Variants in DDR2 observed in about 807,000 individuals in gnomAD.
DDR2 encodes discoidin domain-containing receptor 2.
A neutral mutation model predicts 94.9 loss-of-function variants in DDR2; 27 were observed. That is an observed-to-expected ratio of 0.28 (90% CI 0.21 to 0.39). The LOEUF is 0.39. Ranked by LOEUF, DDR2 falls within the 10% of genes least tolerant of loss-of-function variation. DDR2 has a pLI of 1.00. For missense variants in DDR2, 783 were observed against 1,076.0 expected, an observed-to-expected ratio of 0.73 and a Z score of 3.81; for synonymous variants, 382 against 377.2, an observed-to-expected ratio of 1.01 and a Z score of -0.15.
chr1:162,714,624 C>A (rs189529373), intron 2 of DDR2, among the ~76,000 whole-genome samples: 1 of 152,302 alleles, frequency 6.6e-6, no homozygotes, highest in Admixed American at 6.5e-5. Context: ...GAGGCCTTTG[C>A]TGGCCACCTT....
At chr1:162,702,585 G>A (rs1007009864) in intron 2 of DDR2, among the ~76,000 whole-genome samples, 3 of 152,204 alleles carry the variant, frequency 2.0e-5, no homozygotes, top group Non-Finnish European at 2.9e-5. Context: ...GTTACATGCA[G>A]TTTAAATGTC....
At chr1:162,774,890 C>T (rs1011979292) in intron 14 of DDR2, among the ~76,000 whole-genome samples, 1 of 152,116 alleles carries the variant, frequency 6.6e-6, no homozygotes, top group Non-Finnish European at 1.5e-5. Context: ...GTATGACTTC[C>T]AGTCCAGGAT....
Position 162,747,429 on chromosome 1 carries a change from G to A in DDR2, c.83-5666G>A, listed in dbSNP as rs1662933225. On this transcript the variant is annotated intron_variant, in intron 3 of 17. Coordinates refer to ENST00000367921, the MANE Select transcript of DDR2 (RefSeq NM_006182.4). ...TGGAAGTTCAAGTGAATGAAATGAA[G>A]CGAGAAGAGAAGTTTAGAGAAAAAA... Among the ~76,000 whole-genome samples, 3 of 148,970 alleles carry A rather than the reference G, an allele frequency of 2.0e-5. No individual in the cohort carries two copies. In the Admixed American group the frequency reaches 2.0e-4, roughly 10 times the overall value.
intron 1 of DDR2, among the ~76,000 whole-genome samples, chr1:162,653,282 A>C (rs1287467785): frequency 6.6e-6 from 1 of 151,532 alleles, no homozygotes; most frequent in Non-Finnish European, 1.5e-5. Flanking sequence ...TAGCTTTCAG[A>C]AAATTGTTTG....
chr1:162,695,146 C>A (rs571980892), intron 2 of DDR2, among the ~76,000 whole-genome samples: 37 of 152,198 alleles, frequency 2.4e-4, no homozygotes, highest in African/African-American at 7.9e-4. Context: ...ACATTCTTTC[C>A]AATTTATTAC....
intron 1 of DDR2, among the ~76,000 whole-genome samples, chr1:162,640,284 C>A: frequency 6.6e-6 from 1 of 151,972 alleles, no homozygotes; most frequent in East Asian, 1.9e-4. Flanking sequence ...TCATGATCTG[C>A]CCCCCTCAGC....
rs145553913 is a variant in DDR2 at position 162,732,343 on chromosome 1, G to A, written c.82+13198G>A. 2.6e-5 allele frequency among the ~76,000 whole-genome samples: 4 copies of A among 152,274 alleles called. No individual in the cohort carries two copies. The East Asian group carries it at 7.7e-4, about 29-fold the overall frequency. On this transcript the variant is annotated intron_variant, in intron 3 of 17. Transcript: ENST00000367921. ...AACAGCCTGCTCTGTGAAGCTTGTG[G>A]GAAGCAGGGCCTCAGTGACAGTTTC...
rs925208972 is a variant in DDR2, at chr1:162,781,321, G to A, written c.*1075G>A. ...GCCTTGTCTAAGAGGGAATAGATCT[G>A]TTCTGAGTGTCCCCAAAAAAGTTGT... On this transcript the variant is annotated 3_prime_UTR_variant, in exon 18 of 18. Coordinates refer to ENST00000367921, the MANE Select transcript of DDR2 (RefSeq NM_006182.4). The A allele has an allele frequency of 6.6e-6, 1 of 152,194 alleles. No homozygotes were observed. The highest frequency in any genetic ancestry group is 1.5e-5 in the Non-Finnish European group (1 of 68,034). 9.4% of individuals were successfully genotyped at this position (152,194 alleles called of 1,614,324 possible). A position where few individuals can be genotyped will look rare whatever the true frequency, so the allele number is the denominator to read the frequency against.
chr1:162,670,057 G>A (rs1232962484), intron 2 of DDR2, among the ~76,000 whole-genome samples: 3 of 152,198 alleles, frequency 2.0e-5, no homozygotes, highest in African/African-American at 7.2e-5. Flanking sequence ...AAAGGTTTAA[G>A]TTCTCCCTGT....
chr1:162,676,495 C>T (rs914218084), intron 2 of DDR2, among the ~76,000 whole-genome samples: 3 of 152,214 alleles, frequency 2.0e-5, no homozygotes, highest in Non-Finnish European at 2.9e-5. Context: ...CATTCAGGCA[C>T]ATGCTAAGTT....
intron 3 of DDR2, among the ~76,000 whole-genome samples, chr1:162,735,473 C>G (rs1458966889): frequency 2.6e-5 from 4 of 152,178 alleles, no homozygotes; most frequent in Admixed American, 2.0e-4. Context: ...GTTTCTGATT[C>G]ATTAGGTCAA....
At chr1:162,761,078 G>A in intron 8 of DDR2, 133 bp from the exon 9 acceptor site, 1 of 1,297,636 alleles carries the variant, frequency 7.7e-7, no homozygotes, top group Non-Finnish European at 1.1e-6. Context: ...GAAGCAGGAT[G>A]GCAGTCTTCC....
At position 162,753,216 on chromosome 1, in the gene DDR2, A is replaced by G. The variant is rs372247260; in HGVS notation, c.185+19A>G. On this transcript the variant is annotated intron_variant, in intron 4 of 17. Coordinates refer to ENST00000367921, the MANE Select transcript of DDR2 (RefSeq NM_006182.4). ...ATGGAAGGTGAGGATGGTTACATCA[A>G]GAAAGCCCATGTTCTGGGGTTGGGC... The G allele has an allele frequency of 8.5e-5, 136 of 1,608,900 alleles. No individual in the cohort carries two copies. The highest frequency in any genetic ancestry group is 1.1e-4 in the Non-Finnish European group (131 of 1,176,078).
chr1:162,775,639 G>A lies in DDR2; in HGVS notation c.1857-13G>A, dbSNP rs2102195083. On this transcript the variant is annotated splice_polypyrimidine_tract_variant and intron_variant, in intron 14 of 17. Transcript: ENST00000367921. Reference sequence around the variant, plus strand: ...GCAACTTCTGAGTTTATCTATGTCTGTATCCTCCCAAGGAATGATTTTCTT... The same window carrying A: ...GCAACTTCTGAGTTTATCTATGTCTATATCCTCCCAAGGAATGATTTTCTT... The A allele has an allele frequency of 6.2e-7, 1 of 1,613,636 alleles. No individual in the cohort carries two copies. Among genetic ancestry groups the A allele is most frequent in the Non-Finnish European group, 8.5e-7 (1 of 1,179,856 alleles).
chr1:162,652,464 GA>G (rs994045411), intron 1 of DDR2, among the ~76,000 whole-genome samples: 66 of 152,194 alleles, frequency 4.3e-4, no homozygotes, highest in African/African-American at 1.6e-3. Context: ...GTTTGGAAAA[GA>G]AAAATGCTCT....
chr1:162,767,608 T>C (rs1359580448), intron 11 of DDR2, among the ~76,000 whole-genome samples: 1 of 152,158 alleles, frequency 6.6e-6, no homozygotes, highest in East Asian at 1.9e-4. Flanking sequence ...ATACATTGAA[T>C]CTCCATTCAG....
At chr1:162,761,753 A>C (rs1256028679) in intron 9 of DDR2, among the ~76,000 whole-genome samples, 3 of 152,232 alleles carry the variant, frequency 2.0e-5, no homozygotes, top group Non-Finnish European at 4.4e-5. Flanking sequence ...CTGTTAAGGA[A>C]AAGCACACCT....
intron 1 of DDR2, among the ~76,000 whole-genome samples, chr1:162,636,352 A>T (rs1656817103): frequency 6.6e-6 from 1 of 152,228 alleles, no homozygotes; most frequent in Non-Finnish European, 1.5e-5. Context: ...GACTCACTAC[A>T]CAGCTCCTGA....
intron 3 of DDR2, among the ~76,000 whole-genome samples, chr1:162,751,897 C>A (rs1017105588): frequency 1.3e-5 from 2 of 152,100 alleles, no homozygotes; most frequent in Admixed American, 6.6e-5. Context: ...ATCGCAAGGA[C>A]TGAAGGCCAA....
Sources: gnomAD v4.1 joint callset for allele counts (sites outside exome capture counted in the v4.1 genomes callset) on GRCh38, gnomAD v4.1.1 for gene constraint, MANE v1.5 for transcripts, NCBI Gene and HGNC (gene_info 2026-07-23, HGNC 2026-07-21) for gene names.